Variants in ANO1 observed in about 807,000 individuals in gnomAD.
The protein encoded by ANO1 is anoctamin-1.
In ANO1, 59 loss-of-function variants were observed where a neutral mutation model predicts 124.0. That is an observed-to-expected ratio of 0.48 (90% confidence interval 0.39 to 0.59). The LOEUF (loss-of-function observed/expected upper bound fraction) is 0.59, where lower values mean the gene tolerates loss of function less well. Among genes scored for constraint, ANO1 ranks in the 20% least tolerant of loss-of-function variants. The pLI is 0.00. For missense variants in ANO1, 1,059 were observed against 1,328.0 expected, an observed-to-expected ratio of 0.80 and a Z score of 3.15; for synonymous variants, 529 against 532.0, an observed-to-expected ratio of 0.99 and a Z score of 0.08.
At chr11:70,056,195 G>T (rs1857431964) in intron 1 of ANO1, 1 of 151,806 alleles carries the variant, frequency 6.6e-6, no homozygotes, top group African/African-American at 2.4e-5. Flanking sequence ...TTCTTTTAGT[G>T]CAGGTCTGCT....
At chr11:70,083,663 C>A (rs1303856019) in intron 1 of ANO1, among the ~76,000 whole-genome samples, 1 of 152,166 alleles carries the variant, frequency 6.6e-6, no homozygotes, top group Non-Finnish European at 1.5e-5. Context: ...GTGGAATTTC[C>A]TCCCTGTCTC....
intron 1 of ANO1, among the ~76,000 whole-genome samples, chr11:69,997,012 A>G (rs983383687): frequency 1.3e-5 from 2 of 152,166 alleles, no homozygotes; most frequent in Non-Finnish European, 2.9e-5. Flanking sequence ...TTAATGTGGA[A>G]CAGTGGGGTC....
chr11:70,157,448 G>A (rs2047865177), intron 16 of ANO1, among the ~76,000 whole-genome samples: 1 of 151,474 alleles, frequency 6.6e-6, no homozygotes, highest in Non-Finnish European at 1.5e-5. Context: ...ACTGGTCCCA[G>A]GGTGCGCCGG....
intron 14 of ANO1, among the ~76,000 whole-genome samples, chr11:70,154,103 AAGCAGGCATGGAGCTCCTGGCCTTGTC>A: frequency 6.6e-6 from 1 of 152,124 alleles, no homozygotes; most frequent in Non-Finnish European, 1.5e-5. Flanking sequence ...GATGTGGGAC[AAGCAGGCATGGAGCTCCTGGCCTTGTC>A]AGCCTCTAAA....
chr11:70,110,511 AAAC>A, intron 6 of ANO1, among the ~76,000 whole-genome samples: 1 of 152,190 alleles, frequency 6.6e-6, no homozygotes, highest in Admixed American at 6.5e-5. Flanking sequence ...TATTGCAGAC[AAAC>A]TTTTCACTCA....
chr11:70,060,926 GA>G (rs1484943115), intron 1 of ANO1, among the ~76,000 whole-genome samples: 2 of 152,268 alleles, frequency 1.3e-5, no homozygotes, highest in East Asian at 1.9e-4. Context: ...GAGGAATGGG[GA>G]AAAAACTTAG....
intron 22 of ANO1, among the ~76,000 whole-genome samples, chr11:70,174,126 G>T (rs2048585856): frequency 6.6e-6 from 1 of 151,172 alleles, no homozygotes; most frequent in Non-Finnish European, 1.5e-5. Flanking sequence ...TTTTAGTAGA[G>T]ACGGGGTTTC....
intron 11 of ANO1, among the ~76,000 whole-genome samples, chr11:70,137,386 G>A (rs1206636849): frequency 1.1e-4 from 15 of 133,998 alleles, no homozygotes; most frequent in African/African-American, 2.7e-4. Context: ...TGGACGCTGC[G>A]TCCATCTGGA....
chr11:70,048,839 G>C (rs373174241), intron 1 of ANO1, among the ~76,000 whole-genome samples: 47 of 151,960 alleles, frequency 3.1e-4, no homozygotes, highest in Admixed American at 1.9e-3. Flanking sequence ...ATATCCCTTG[G>C]GGGGGCCTAC....
upstream of ANO1, among the ~76,000 whole-genome samples, chr11:69,982,262 G>T (rs147452802): frequency 6.6e-6 from 1 of 152,022 alleles, no homozygotes; most frequent in African/African-American, 2.4e-5. Flanking sequence ...CCCGTTACTC[G>T]CCAGATGCCC....
At chr11:70,154,055 C>G (rs534249065) in intron 14 of ANO1, among the ~76,000 whole-genome samples, 2 of 152,020 alleles carry the variant, frequency 1.3e-5, no homozygotes, top group Non-Finnish European at 2.9e-5. Flanking sequence ...TGTGAGCCAC[C>G]GTGCCCAGCA....
chr11:70,019,327 C>T (rs1410166924), intron 1 of ANO1, among the ~76,000 whole-genome samples: 3 of 149,392 alleles, frequency 2.0e-5, no homozygotes, highest in African/African-American at 7.4e-5. Context: ...TGCACACACA[C>T]GCACGCACAC....
intron 22 of ANO1, 88 bp from the exon 23 acceptor site, chr11:70,179,916 A>G: frequency 1.6e-6 from 2 of 1,252,944 alleles, no homozygotes; most frequent in Non-Finnish European, 2.3e-6. Flanking sequence ...GGCCCCTGCA[A>G]GGGTGGTACC....
At chr11:70,015,355 A>G (rs1856685320) in intron 1 of ANO1, 1 of 151,956 alleles carries the variant, frequency 6.6e-6, no homozygotes, top group African/African-American at 2.4e-5. Flanking sequence ...TTTTTTTTAA[A>G]CAATCCAGGT....
intron 24 of ANO1, among the ~76,000 whole-genome samples, chr11:70,185,267 C>T (rs2049067719): frequency 6.6e-6 from 1 of 152,242 alleles, no homozygotes; most frequent in African/African-American, 2.4e-5. Context: ...TAAAAGTTTG[C>T]AACCTCCTGG....
At position 70,155,906 on chromosome 11, in the gene ANO1, CT is replaced by C. The variant is rs1565257916; in HGVS notation, c.1426-4del. 7 of 1,541,290 alleles carry C rather than the reference CT, an allele frequency of 4.5e-6. No individual in the cohort carries two copies. In the African/African-American group the frequency reaches 8.3e-5, roughly 18 times the overall value. On this transcript the variant is annotated splice_polypyrimidine_tract_variant and splice_region_variant and intron_variant, in intron 14 of 25. Coordinates refer to ENST00000355303, the MANE Select transcript of ANO1 (RefSeq NM_018043.7). Reference sequence around the variant, plus strand: ...CGGTGCTCTCTTTCCCCCACCCCCCCTCAGAAGCGCCGGCATATTCCAGAGG... The same window carrying C: ...CGGTGCTCTCTTTCCCCCACCCCCCCCAGAAGCGCCGGCATATTCCAGAGG...
chr11:70,019,237 A>ACCC (rs200316253), intron 1 of ANO1, among the ~76,000 whole-genome samples: 41 of 68,730 alleles, frequency 6.0e-4, no homozygotes, highest in South Asian at 2.3e-3. Context: ...GGAAAGAAGA[A>ACCC]CCCCCCCACA....
intron 1 of ANO1, among the ~76,000 whole-genome samples, chr11:70,026,609 G>T (rs1217033668): frequency 6.6e-6 from 1 of 152,060 alleles, no homozygotes; most frequent in Non-Finnish European, 1.5e-5. Flanking sequence ...AGTGGCGACT[G>T]ATATCACCCT....
At chr11:69,974,850 G>A in the ANO1 span, among the ~76,000 whole-genome samples, 20 of 149,984 alleles carry the variant, frequency 1.3e-4, no homozygotes, top group African/African-American at 3.2e-4. Context: ...ATCGGAGTCC[G>A]GTTCTTATCT....
Sources: allele counts gnomAD v4.1 joint callset (sites outside exome capture counted in the v4.1 genomes callset), GRCh38; gene constraint gnomAD v4.1.1; transcripts MANE v1.5; gene names NCBI Gene and HGNC (gene_info 2026-07-23, HGNC 2026-07-21).